The following TXNDC16 variants were observed in gnomAD, a reference collection of about 807,000 sequenced individuals.
The protein encoded by TXNDC16 is thioredoxin domain-containing protein 16.
A neutral mutation model predicts 85.6 loss-of-function variants in TXNDC16; 74 were observed. The observed-to-expected ratio is 0.86, with a 90% confidence interval of 0.72 to 1.05. The LOEUF is 1.05. TXNDC16 is among the 50% of genes least tolerant of loss of function. TXNDC16 has a pLI of 0.00. For synonymous variants in TXNDC16, 335 were observed against 326.5 expected (o/e 1.03, Z -0.28); for missense variants, 959 against 947.0 (o/e 1.01, Z -0.17).
chr14:52,519,118 A>C, intron 7 of TXNDC16, 54 bp downstream of exon 7: 1 of 1,525,256 alleles, frequency 6.6e-7, no homozygotes, highest in Non-Finnish European at 8.9e-7. Flanking sequence ...TAAGTACTTC[A>C]ACATACATAA....
At chr14:52,545,090 A>G (rs1184469147) in intron 1 of TXNDC16, among the ~76,000 whole-genome samples, 1 of 152,224 alleles carries the variant, frequency 6.6e-6, no homozygotes, top group African/African-American at 2.4e-5. Context: ...TGAAATAACT[A>G]TAACCTAATT....
chr14:52,497,636 T>G (rs2036562113), intron 9 of TXNDC16, among the ~76,000 whole-genome samples: 1 of 152,114 alleles, frequency 6.6e-6, no homozygotes, highest in Non-Finnish European at 1.5e-5. Context: ...TCCCAGCACT[T>G]TGGGAGGCTG....
intron 18 of TXNDC16, among the ~76,000 whole-genome samples, chr14:52,447,089 C>A (rs537832319): frequency 2.9e-4 from 44 of 152,164 alleles, no homozygotes; most frequent in Non-Finnish European, 5.9e-4. Flanking sequence ...AAGGGTAGAA[C>A]ACCAAGCGGG....
chr14:52,488,365 A>G lies in TXNDC16; in HGVS notation c.1106T>C (p.Ile369Thr), dbSNP rs756346189. 5 of 1,613,322 alleles carry G rather than the reference A, an allele frequency of 3.1e-6. No homozygotes were observed. The East Asian group carries it at 8.9e-5, about 29-fold the overall frequency. ...GGGTGAGAATCATAACACATTACCT[A>G]TATCTGGACCTTCCATGTCATTGTC... ...DEDNDMEGPD[I>T]DVQDDEVAET... Residue 369 changes from isoleucine (I) to threonine (T), a missense_variant and splice_region_variant, in exon 12 of 21, where the codon ATA becomes ACA. Physicochemically the swap from Ile to Thr is moderately conservative, Grantham distance 89. Coordinates refer to ENST00000281741, the MANE Select transcript of TXNDC16 (RefSeq NM_020784.3).
Position 52,470,700 on chromosome 14 carries a change from A to C in TXNDC16, c.1313-20T>G. On this transcript the variant is annotated intron_variant, in intron 14 of 20. Transcript: ENST00000281741. ...ATGTGCCTAAATAAAAGGAAAATGCACATTTGTAATTACTAATTGTAGAAA... is the reference window on the plus strand; with the variant it reads ...ATGTGCCTAAATAAAAGGAAAATGCCCATTTGTAATTACTAATTGTAGAAA... The C allele has an allele frequency of 6.3e-7, 1 of 1,579,726 alleles. No individual in the cohort carries two copies. The highest frequency in any genetic ancestry group is 8.6e-7 in the Non-Finnish European group (1 of 1,164,564).
intron 19 of TXNDC16, among the ~76,000 whole-genome samples, chr14:52,440,061 A>T (rs1283723623): frequency 6.6e-6 from 1 of 152,206 alleles, no homozygotes; most frequent in Non-Finnish European, 1.5e-5. Context: ...GTTATTTTTC[A>T]AATGATTTTA....
rs1218596739 is a variant in TXNDC16, at chr14:52,530,296, A to C, written c.392+6423T>G. ...ATTATTTAATATATAATTATTATAT[A>C]TAATATTAATATATAATATATAATT... On this transcript the variant is annotated intron_variant, in intron 6 of 20. Transcript: ENST00000281741. Among the ~76,000 whole-genome samples the C allele has an allele frequency of 2.6e-4, 12 of 46,504 alleles. No homozygotes were observed. In the South Asian group the frequency reaches 6.7e-3, roughly 26 times the overall value. The allele number at this position is 46,504 out of a possible 152,430, so 30.5% of individuals were successfully genotyped here.
chr14:52,548,973 T>C (rs746934864), intron 1 of TXNDC16, among the ~76,000 whole-genome samples: 2 of 152,224 alleles, frequency 1.3e-5, no homozygotes, highest in African/African-American at 2.4e-5. Context: ...TTAGTACACC[T>C]GGTCTTAGTA....
At chr14:52,449,148 G>T (rs1594686492) in intron 18 of TXNDC16, among the ~76,000 whole-genome samples, 1 of 150,334 alleles carries the variant, frequency 6.7e-6, no homozygotes, top group East Asian at 2.0e-4. Flanking sequence ...GACACAGAAT[G>T]GCTGAAGAGA....
chr14:52,491,061 T>C (rs2036393035), intron 9 of TXNDC16, 56 bp from the exon 10 acceptor site: 1 of 1,522,228 alleles, frequency 6.6e-7, no homozygotes, highest in Non-Finnish European at 8.8e-7. Context: ...AACATTTGGA[T>C]TTAAATTCTC....
chr14:52,499,110 G>A (rs1447295325), intron 9 of TXNDC16, among the ~76,000 whole-genome samples: 1 of 152,070 alleles, frequency 6.6e-6, no homozygotes, highest in Non-Finnish European at 1.5e-5. Context: ...GGGAAAACTG[G>A]ATATCCACAT....
At chr14:52,539,022 AT>A (rs2037768946) in intron 4 of TXNDC16, among the ~76,000 whole-genome samples, 1 of 152,226 alleles carries the variant, frequency 6.6e-6, no homozygotes, top group African/African-American at 2.4e-5. Flanking sequence ...GTGTCCATTC[AT>A]TCATCAATTC....
At chr14:52,498,671 G>C (rs1197864672) in intron 9 of TXNDC16, among the ~76,000 whole-genome samples, 1 of 151,968 alleles carries the variant, frequency 6.6e-6, no homozygotes, top group Non-Finnish European at 1.5e-5. Flanking sequence ...AAATTTAAAA[G>C]ACATAAATAA....
chr14:52,535,092 T>C (rs1178225204), intron 6 of TXNDC16, among the ~76,000 whole-genome samples: 1 of 152,226 alleles, frequency 6.6e-6, no homozygotes, highest in African/African-American at 2.4e-5. Context: ...ATTCATTCTT[T>C]ATGAAAAGAC....
At position 52,511,390 on chromosome 14, in the gene TXNDC16, G is replaced by C; in HGVS notation, c.606C>G (p.Gly202=). The part of the protein sequence containing the change: ...TTEIALLESI[G]SEDVEYAHLY... ...GATGTGCATATTCCACATCCTCAGAGCTACAAATTAAAAATTAATTAACTT... is the reference window on the plus strand; with the variant it reads ...GATGTGCATATTCCACATCCTCAGACCTACAAATTAAAAATTAATTAACTT... Residue 202 remains glycine (G), a splice_region_variant and synonymous_variant, in exon 9 of 21, where the codon GGC becomes GGG. Coordinates refer to ENST00000281741, the MANE Select transcript of TXNDC16 (RefSeq NM_020784.3). 1 of 1,557,872 alleles carries C rather than the reference G, an allele frequency of 6.4e-7. No homozygotes were observed. The highest frequency in any genetic ancestry group is 8.7e-7 in the Non-Finnish European group (1 of 1,144,918).
intron 12 of TXNDC16, among the ~76,000 whole-genome samples, chr14:52,485,872 A>G (rs1260143746): frequency 6.6e-6 from 1 of 152,198 alleles, no homozygotes; most frequent in Non-Finnish European, 1.5e-5. Context: ...GAGACACATG[A>G]CCATACAATA....
At chr14:52,525,466 C>A (rs768495169) in intron 6 of TXNDC16, among the ~76,000 whole-genome samples, 1 of 149,306 alleles carries the variant, frequency 6.7e-6, no homozygotes, top group Non-Finnish European at 1.5e-5. Flanking sequence ...CCGAGGTGGG[C>A]GGATCACAAG....
chr14:52,467,880 A>G (rs889110872), intron 16 of TXNDC16, among the ~76,000 whole-genome samples: 12 of 152,220 alleles, frequency 7.9e-5, no homozygotes, highest in African/African-American at 2.9e-4. Context: ...GATAAACAAA[A>G]TAAGATATAT....
chr14:52,487,295 AACTGGTC>A (rs963228530), intron 12 of TXNDC16, among the ~76,000 whole-genome samples: 1 of 152,188 alleles, frequency 6.6e-6, no homozygotes, highest in African/African-American at 2.4e-5. Context: ...CAAACCAAGA[AACTGGTC>A]ACTGGTAAGA....
Sources: allele counts gnomAD v4.1 joint callset (sites outside exome capture counted in the v4.1 genomes callset), GRCh38; gene constraint gnomAD v4.1.1; transcripts MANE v1.5; gene names NCBI Gene and HGNC (gene_info 2026-07-23, HGNC 2026-07-21).